HEPHL1: variants seen among roughly 807,000 people sequenced by gnomAD.
The protein encoded by HEPHL1 is hephaestin like 1.
A neutral mutation model predicts 122.0 loss-of-function variants in HEPHL1; 123 were observed. The ratio of observed to expected loss-of-function variants is 1.01; its 90% CI spans 0.87 to 1.17. The LOEUF is 1.17. Ranked by LOEUF, HEPHL1 falls within the 50% of genes most tolerant of loss-of-function variation. The pLI, the probability that HEPHL1 is intolerant of heterozygous loss-of-function variation, is 0.00. For missense variants in HEPHL1, 1,452 were observed against 1,430.5 expected, an observed-to-expected ratio of 1.01 and a Z score of -0.24; for synonymous variants, 527 against 508.9, an observed-to-expected ratio of 1.04 and a Z score of -0.48.
At position 94,082,816 on chromosome 11, in the gene HEPHL1, G is replaced by T. The variant is rs571833995; in HGVS notation, c.1867+248G>T. Among the ~76,000 whole-genome samples the T allele has an allele frequency of 2.0e-5, 3 of 152,246 alleles. No homozygotes were observed. The South Asian group carries it at 6.2e-4, about 32-fold the overall frequency. On this transcript the variant is annotated intron_variant, in intron 10 of 19. Transcript: ENST00000315765. ...AAGGAACACAAATTTTAAACTAGCG[G>T]CCAGGCACAGTGGCTAACACCTGTA... is the stretch of plus-strand genomic sequence containing the variant.
intron 1 of HEPHL1, among the ~76,000 whole-genome samples, chr11:94,037,976 A>G (rs1945741528): frequency 6.7e-6 from 1 of 148,694 alleles, no homozygotes; most frequent in African/African-American, 2.5e-5. Flanking sequence ...CTTTGAAAAA[A>G]ATTTAGAAGA....
chr11:94,037,985 G>A (rs1040459685), intron 1 of HEPHL1, among the ~76,000 whole-genome samples: 1 of 148,188 alleles, frequency 6.7e-6, no homozygotes, highest in African/African-American at 2.5e-5. Flanking sequence ...AAATTTAGAA[G>A]AATGTATAAC....
At chr11:94,081,273 A>G (rs4322358) in intron 9 of HEPHL1, among the ~76,000 whole-genome samples, 1,527 of 152,282 alleles carry the variant, frequency 0.01, 24 homozygotes, top group African/African-American at 0.034. Context: ...GGAGGGGAAC[A>G]ACACACACTG....
rs147509943 is a variant in HEPHL1, at chr11:94,055,624, C to T, written c.416-7884C>T. On this transcript the variant is annotated intron_variant, in intron 2 of 19. Coordinates refer to ENST00000315765, the MANE Select transcript of HEPHL1 (RefSeq NM_001098672.2). Reference sequence around the variant, plus strand: ...TCTCTTAGTGATGTACAGCAGCACACGCTCATCATAGTCCTTTCCAATGCT... The same window carrying T: ...TCTCTTAGTGATGTACAGCAGCACATGCTCATCATAGTCCTTTCCAATGCT... 4.7e-4 allele frequency: 179 copies of T among 379,590 alleles called. 1 individual carries two copies. The highest frequency in any genetic ancestry group is 3.2e-3 in the African/African-American group (158 of 48,960). 23.5% of individuals were successfully genotyped at this position (379,590 alleles called of 1,614,324 possible). A position where few individuals can be genotyped will look rare whatever the true frequency, so the allele number is the denominator to read the frequency against.
chr11:94,052,842 A>G (rs904818107), intron 2 of HEPHL1, among the ~76,000 whole-genome samples: 1 of 152,148 alleles, frequency 6.6e-6, no homozygotes, highest in Admixed American at 6.5e-5. Flanking sequence ...TGGCCATGGC[A>G]TAGAATCCTT....
chr11:94,029,386 C>CA (rs554782258), intron 1 of HEPHL1, among the ~76,000 whole-genome samples: 312 of 152,248 alleles, frequency 2.0e-3, no homozygotes, highest in African/African-American at 7.1e-3. Flanking sequence ...CACTCACAGC[C>CA]AATTTGCCAG....
In HEPHL1 at chr11:94,113,060, C is replaced by T. The variant is rs1946464649; in HGVS notation, c.*1166C>T. 1 of 152,048 alleles carries T rather than the reference C, an allele frequency of 6.6e-6. No homozygotes were observed. Among genetic ancestry groups the T allele is most frequent in the Non-Finnish European group, 1.5e-5 (1 of 68,010 alleles). The allele number at this position is 152,048 out of a possible 1,614,324, so 9.4% of individuals were successfully genotyped here. On this transcript the variant is annotated 3_prime_UTR_variant, in exon 20 of 20. Transcript: ENST00000315765. ...GGCAGATTCTCTTAAACCATTAAAC[C>T]AGCTTTGAAAATTAATAAATAATTT...
At chr11:94,105,588 T>A (rs1946401547) in intron 16 of HEPHL1, among the ~76,000 whole-genome samples, 1 of 152,198 alleles carries the variant, frequency 6.6e-6, no homozygotes, top group Non-Finnish European at 1.5e-5. Context: ...TCTCAACAAG[T>A]GAAATATTAA....
chr11:94,110,821 A>G (rs1946442237), intron 17 of HEPHL1, 82 bp from the exon 18 acceptor site: 1 of 1,109,940 alleles, frequency 9.0e-7, no homozygotes, highest in Non-Finnish European at 1.3e-6. Flanking sequence ...TGTGGGTTTT[A>G]TTTGTTTTTG....
At chr11:94,037,742 A>C (rs950318166) in intron 1 of HEPHL1, among the ~76,000 whole-genome samples, 5 of 151,918 alleles carry the variant, frequency 3.3e-5, no homozygotes, top group Non-Finnish European at 7.4e-5. Context: ...TCAAAGACGA[A>C]AAGTAGATAA....
chr11:94,063,641 C>A lies in HEPHL1; in HGVS notation c.549C>A (p.Thr183=), dbSNP rs777910869. 8 of 1,613,812 alleles carry A rather than the reference C, an allele frequency of 5.0e-6. No individual in the cohort carries two copies. The highest frequency in any genetic ancestry group is 2.7e-5 in the African/African-American group (2 of 74,910). ...APTPADANCL[T]WVYHSHIDAP... is the part of the protein sequence containing the mutation. ...CTCCAGCCGATGCCAACTGCCTGAC[C>A]TGGGTGTACCATTCGCACATCGACG... The change falls in exon 3 of 20, where the codon ACC becomes ACA. Residue 183 remains threonine (T), a synonymous_variant. Coordinates refer to ENST00000315765, the MANE Select transcript of HEPHL1 (RefSeq NM_001098672.2).
At chr11:94,055,681 G>A in intron 2 of HEPHL1, 2 of 387,878 alleles carry the variant, frequency 5.2e-6, no homozygotes, top group Non-Finnish European at 1.0e-5. Context: ...GCTAGTGACA[G>A]GCTGGAAGAC....
At chr11:94,061,668 C>T (rs989887754) in intron 2 of HEPHL1, among the ~76,000 whole-genome samples, 8 of 152,130 alleles carry the variant, frequency 5.3e-5, no homozygotes, top group Non-Finnish European at 7.4e-5. Flanking sequence ...ATTAATTTAA[C>T]TTTGAGTACA....
At chr11:94,096,557 C>T (rs1332962510) in intron 13 of HEPHL1, among the ~76,000 whole-genome samples, 6 of 152,306 alleles carry the variant, frequency 3.9e-5, no homozygotes, top group Admixed American at 2.0e-4. Context: ...AGGATTCCCT[C>T]TTTTTCTATT....
chr11:94,073,196 C>T (rs369152913), intron 7 of HEPHL1, 32 bp downstream of exon 7: 590 of 1,611,504 alleles, frequency 3.7e-4, no homozygotes, highest in Non-Finnish European at 4.8e-4. Context: ...TGCATTGAAC[C>T]CAGGGAGATG....
intron 11 of HEPHL1, among the ~76,000 whole-genome samples, chr11:94,088,502 T>G (rs1946236212): frequency 6.6e-6 from 1 of 152,150 alleles, no homozygotes; most frequent in African/African-American, 2.4e-5. Context: ...AAGTCATTTC[T>G]TGGTAGCAAT....
chr11:94,093,969 C>CAG (rs1946283841), intron 13 of HEPHL1, among the ~76,000 whole-genome samples: 2 of 50,714 alleles, frequency 3.9e-5, no homozygotes, highest in Admixed American at 2.0e-4. Flanking sequence ...AATCCTCCAG[C>CAG]AGATATATAT....
rs532393974 is a variant in HEPHL1 at position 94,038,124 on chromosome 11, T to G, written c.171-7549T>G. 8.7e-5 allele frequency among the ~76,000 whole-genome samples: 13 copies of G among 150,170 alleles called. No homozygotes were observed. The East Asian group carries it at 2.6e-3, about 30-fold the overall frequency. ...CGACTGGAAGAAAGGGTATCAGCAA[T>G]GGAAGATGAAATGAATGAAATGAAG... On this transcript the variant is annotated intron_variant, in intron 1 of 19. Coordinates refer to ENST00000315765, the MANE Select transcript of HEPHL1 (RefSeq NM_001098672.2).
chr11:94,073,328 G>T lies in HEPHL1; in HGVS notation c.1393G>T (p.Val465Leu), dbSNP rs995699162. Reference protein sequence around the residue: ...GILGPVIKAEVGDTLLVTFAN... With the variant: ...GILGPVIKAELGDTLLVTFAN... ...TTCAGGCCCAGTCATCAAGGCAGAG[G>T]TGGGTGATACCCTGTTAGTGACCTT... The change falls in exon 8 of 20, where the codon GTG becomes TTG. Residue 465 changes from valine to leucine, a missense_variant. By Grantham distance (32) the Val-to-Leu change is conservative. Transcript: ENST00000315765. 4.3e-6 allele frequency: 7 copies of T among 1,609,196 alleles called. No homozygotes were observed. Among genetic ancestry groups the T allele is most frequent in the African/African-American group, 2.7e-5 (2 of 74,832 alleles).
Sources: gnomAD v4.1 joint callset for allele counts (sites outside exome capture counted in the v4.1 genomes callset) on GRCh38, gnomAD v4.1.1 for gene constraint, MANE v1.5 for transcripts, NCBI Gene and HGNC (gene_info 2026-07-23, HGNC 2026-07-21) for gene names.